Variants in REEP1 observed in about 807,000 individuals in gnomAD.
The protein encoded by REEP1 is receptor expression-enhancing protein 1.
In REEP1, 22 loss-of-function variants were observed where a neutral mutation model predicts 40.3. The ratio of observed to expected loss-of-function variants is 0.55; its 90% CI spans 0.39 to 0.78. The LOEUF is 0.78. REEP1 is among the 30% of genes least tolerant of loss of function. The probability of loss-of-function intolerance (pLI) is 0.00; values close to 1 mark genes in which losing one functional copy is unlikely to be tolerated. For synonymous variants in REEP1, 116 were observed against 139.2 expected (o/e 0.83, Z 1.17); for missense variants, 280 against 361.1 (o/e 0.78, Z 1.82).
intron 1 of REEP1, among the ~76,000 whole-genome samples, chr2:86,291,882 A>G (rs1678720436): frequency 6.6e-6 from 1 of 152,226 alleles, no homozygotes; most frequent in Non-Finnish European, 1.5e-5. Context: ...GGAAAGCACA[A>G]AACAGAAAAG....
At chr2:86,222,408 A>C (rs1410077614) in intron 7 of REEP1, among the ~76,000 whole-genome samples, 1 of 152,204 alleles carries the variant, frequency 6.6e-6, no homozygotes, top group Non-Finnish European at 1.5e-5. Flanking sequence ...AGCTACAGAG[A>C]GAACCTCCTA....
At chr2:86,247,277 C>T (rs147955302) in intron 5 of REEP1, among the ~76,000 whole-genome samples, 150 of 152,180 alleles carry the variant, frequency 9.9e-4, no homozygotes, top group African/African-American at 3.1e-3. Flanking sequence ...CAACACTTCC[C>T]GGGGATAGGG....
rs116297707 is a variant in REEP1 at position 86,283,090 on chromosome 2, C to T, written c.33-848G>A. 9.9e-3 allele frequency among the ~76,000 whole-genome samples: 1,514 copies of T among 152,284 alleles called. 38 individuals are homozygous for T. Among genetic ancestry groups the T allele is most frequent in the African/African-American group, 0.034 (1,409 of 41,562 alleles). ...CTTCTTCCCTGGCCTCCCTAACTAG[C>T]TCAAACCTCCCCACTACACTCATAG... On this transcript the variant is annotated intron_variant, in intron 1 of 8. Coordinates refer to ENST00000538924, the MANE Select transcript of REEP1 (RefSeq NM_001371279.1).
chr2:86,263,377 G>A lies in REEP1; in HGVS notation c.182+588C>T, dbSNP rs1048602519. ...CCCAAGTAGCTGGGACTACAGGTGT[G>A]CACCACCATGCCCGGCTAATTATTT... On this transcript the variant is annotated intron_variant, in intron 3 of 8. Coordinates refer to ENST00000538924, the MANE Select transcript of REEP1 (RefSeq NM_001371279.1). 3.3e-5 allele frequency among the ~76,000 whole-genome samples: 5 copies of A among 152,040 alleles called. No individual in the cohort carries two copies. In the East Asian group the frequency reaches 9.6e-4, roughly 29 times the overall value.
intron 1 of REEP1, among the ~76,000 whole-genome samples, chr2:86,291,289 C>T (rs554139845): frequency 6.6e-6 from 1 of 152,300 alleles, no homozygotes; most frequent in East Asian, 1.9e-4. Context: ...TGAAATTCCA[C>T]TCTGGCCCTG....
intron 1 of REEP1, among the ~76,000 whole-genome samples, chr2:86,303,785 G>A (rs1679362939): frequency 6.6e-6 from 1 of 152,154 alleles, no homozygotes; most frequent in African/African-American, 2.4e-5. Context: ...ATTTCAGGAG[G>A]GGAGAACAGC....
chr2:86,300,363 C>T (rs772645753), intron 1 of REEP1, among the ~76,000 whole-genome samples: 8 of 152,166 alleles, frequency 5.3e-5, no homozygotes, highest in African/African-American at 7.2e-5. Flanking sequence ...TACCACACAA[C>T]GCTTCCAGGC....
intron 1 of REEP1, among the ~76,000 whole-genome samples, chr2:86,328,531 T>C (rs1450111905): frequency 4.6e-5 from 7 of 152,088 alleles, no homozygotes; most frequent in Admixed American, 4.6e-4. Context: ...TACAAAAAAT[T>C]AGCTGGGCGT....
chr2:86,246,174 A>G (rs144095849), intron 5 of REEP1, among the ~76,000 whole-genome samples: 30 of 152,370 alleles, frequency 2.0e-4, no homozygotes, highest in African/African-American at 7.0e-4. Flanking sequence ...CTTCAAATCA[A>G]TCAACAAGGT....
intron 1 of REEP1, among the ~76,000 whole-genome samples, chr2:86,334,362 A>G (rs375424927): frequency 7.2e-5 from 11 of 152,308 alleles, no homozygotes; most frequent in African/African-American, 2.6e-4. Context: ...AGAGGCTTAC[A>G]AAACCATGAA....
intron 5 of REEP1, among the ~76,000 whole-genome samples, chr2:86,246,426 C>T (rs1262414281): frequency 6.6e-6 from 1 of 152,120 alleles, no homozygotes; most frequent in Non-Finnish European, 1.5e-5. Context: ...CAGCTTTCTT[C>T]AATAGGTGGA....
At chr2:86,338,082 A>G, upstream of REEP1, 1 of 1,537,218 alleles carries the variant, frequency 6.5e-7, no homozygotes, top group South Asian at 1.2e-5. Flanking sequence ...TGCATAAGAA[A>G]CAAACCTGGG....
chr2:86,318,336 T>C (rs1680120780), intron 1 of REEP1, among the ~76,000 whole-genome samples: 1 of 152,042 alleles, frequency 6.6e-6, no homozygotes, highest in Non-Finnish European at 1.5e-5. Context: ...AAATGTACAG[T>C]ACTCTCTTCT....
chr2:86,305,112 A>C (rs1292739545), intron 1 of REEP1, among the ~76,000 whole-genome samples: 1 of 152,136 alleles, frequency 6.6e-6, no homozygotes, highest in African/African-American at 2.4e-5. Flanking sequence ...TGGTTAAATG[A>C]ATTAAAAGGG....
intron 3 of REEP1, among the ~76,000 whole-genome samples, chr2:86,261,462 T>A (rs1322747314): frequency 6.6e-6 from 1 of 152,228 alleles, no homozygotes; most frequent in African/African-American, 2.4e-5. Flanking sequence ...ACATGTGCTG[T>A]GTCAAACTCA....
intron 3 of REEP1, among the ~76,000 whole-genome samples, chr2:86,261,584 C>T (rs191001856): frequency 1.7e-3 from 266 of 152,276 alleles, no homozygotes; most frequent in African/African-American, 5.9e-3. Context: ...CCCAGGGACA[C>T]AAAAACTGTG....
At chr2:86,234,935 A>G (rs749769188) in intron 5 of REEP1, among the ~76,000 whole-genome samples, 31 of 152,366 alleles carry the variant, frequency 2.0e-4, no homozygotes, top group Non-Finnish European at 3.5e-4. Context: ...AATTTAGAAG[A>G]AATTTGATGA....
At chr2:86,335,536 C>T (rs892625664) in intron 1 of REEP1, among the ~76,000 whole-genome samples, 1 of 152,102 alleles carries the variant, frequency 6.6e-6, no homozygotes, top group Non-Finnish European at 1.5e-5. Flanking sequence ...CCTCTCCACC[C>T]CCATCAGTTG....
intron 3 of REEP1, 73 bp from the exon 4 acceptor site, chr2:86,254,887 G>A (rs1676471563): frequency 6.4e-7 from 1 of 1,565,848 alleles, no homozygotes; most frequent in African/African-American, 1.4e-5. Flanking sequence ...ATGAGACCCG[G>A]TGGGTGGCAA....
Sources: gnomAD v4.1 joint callset for allele counts (sites outside exome capture counted in the v4.1 genomes callset) on GRCh38, gnomAD v4.1.1 for gene constraint, MANE v1.5 for transcripts, NCBI Gene and HGNC (gene_info 2026-07-23, HGNC 2026-07-21) for gene names.